The following ACACA variants were observed in gnomAD, a reference collection of about 807,000 sequenced individuals.
ACACA encodes acetyl-CoA carboxylase 1.
A neutral mutation model predicts 296.1 loss-of-function variants in ACACA; 103 were observed. The ratio of observed to expected loss-of-function variants is 0.35; its 90% confidence interval spans 0.30 to 0.41. The LOEUF (loss-of-function observed/expected upper bound fraction) is 0.41, where lower values mean the gene tolerates loss of function less well. Among genes scored for constraint, ACACA ranks in the 10% least tolerant of loss-of-function variants. ACACA has a pLI of 1.00. For missense variants in ACACA, 1,554 were observed against 2,989.7 expected, an observed-to-expected ratio of 0.52 and a Z score of 11.20; for synonymous variants, 953 against 1,038.6, an observed-to-expected ratio of 0.92 and a Z score of 1.58.
intron 54 of ACACA, among the ~76,000 whole-genome samples, chr17:37,095,133 C>T (rs1028231152): frequency 1.3e-5 from 2 of 152,352 alleles, no homozygotes; most frequent in African/African-American, 2.4e-5. Flanking sequence ...AGGCTGGACA[C>T]GTCCATTAGT....
chr17:37,313,799 T>G (rs1369762365), intron 3 of ACACA, among the ~76,000 whole-genome samples: 1 of 152,076 alleles, frequency 6.6e-6, no homozygotes, highest in African/African-American at 2.4e-5. Context: ...GTATGGAGGT[T>G]CCTCAAAAAA....
chr17:37,245,852 CTAG>C (rs764300420), intron 19 of ACACA, among the ~76,000 whole-genome samples: 24 of 152,290 alleles, frequency 1.6e-4, no homozygotes, highest in Admixed American at 3.3e-4. Flanking sequence ...TGAAAACTTA[CTAG>C]TATGGTTTAT....
chr17:37,369,032 C>T (rs929668736), intron 1 of ACACA, among the ~76,000 whole-genome samples: 1 of 152,124 alleles, frequency 6.6e-6, no homozygotes, highest in African/African-American at 2.4e-5. Context: ...AAACTGGAAA[C>T]AACACAAATG....
chr17:37,240,755 T>C (rs2080355012), intron 23 of ACACA, among the ~76,000 whole-genome samples, 191 bp from the exon 24 acceptor site: 1 of 152,204 alleles, frequency 6.6e-6, no homozygotes, highest in Non-Finnish European at 1.5e-5. Context: ...AGACAAGACC[T>C]TTTTTAATAA....
At chr17:37,358,405 C>T (rs2049240356) in intron 1 of ACACA, among the ~76,000 whole-genome samples, 1 of 152,232 alleles carries the variant, frequency 6.6e-6, no homozygotes, top group Non-Finnish European at 1.5e-5. Flanking sequence ...TGTACATTTA[C>T]TATGTCCCTC....
rs148078339 is a variant in ACACA at position 37,343,751 on chromosome 17, G to A, written c.39-3901C>T. 8.6e-3 allele frequency among the ~76,000 whole-genome samples: 1,236 copies of A among 143,652 alleles called. 7 individuals carry two copies. The highest frequency in any genetic ancestry group is 0.012 in the Admixed American group (168 of 14,208). The allele number at this position is 143,652 out of a possible 152,430, so 94.2% of individuals were successfully genotyped here. Reference sequence around the variant, plus strand: ...TGTACTCCAGCCTGGGTGACAGAGTGAGACTCTGTCTCAAAAAAAAAAAAA... The same window carrying A: ...TGTACTCCAGCCTGGGTGACAGAGTAAGACTCTGTCTCAAAAAAAAAAAAA... On this transcript the variant is annotated intron_variant, in intron 1 of 55. Transcript: ENST00000616317.
At chr17:37,307,002 G>C (rs759679176) in intron 3 of ACACA, among the ~76,000 whole-genome samples, 3 of 151,950 alleles carry the variant, frequency 2.0e-5, no homozygotes, top group Admixed American at 6.6e-5. Context: ...CTGGCCTTAT[G>C]TGTATAAAAT....
chr17:37,305,641 A>G (rs2083838648), intron 3 of ACACA, among the ~76,000 whole-genome samples: 1 of 152,202 alleles, frequency 6.6e-6, no homozygotes, highest in Non-Finnish European at 1.5e-5. Context: ...AACCACAAAC[A>G]GGCAAAGTCA....
intron 29 of ACACA, among the ~76,000 whole-genome samples, chr17:37,216,839 A>AAAAAAC (rs956655725): frequency 1.1e-4 from 16 of 152,092 alleles, no homozygotes; most frequent in Middle Eastern, 3.4e-3. Flanking sequence ...TGAATAAAAA[A>AAAAAAC]AAAAACAAAA....
intron 39 of ACACA, among the ~76,000 whole-genome samples, chr17:37,182,192 A>C (rs1385352874): frequency 6.6e-6 from 1 of 152,136 alleles, no homozygotes; most frequent in Non-Finnish European, 1.5e-5. Flanking sequence ...ATGGTACTTC[A>C]TAAGTATTAC....
At chr17:37,345,146 C>G (rs2048559316) in intron 1 of ACACA, 1 of 152,460 alleles carries the variant, frequency 6.6e-6, no homozygotes, top group Admixed American at 6.6e-5. Flanking sequence ...CTCTGCCTCC[C>G]AGGTTCAAGA....
intron 39 of ACACA, among the ~76,000 whole-genome samples, chr17:37,184,246 G>C (rs1367803096): frequency 6.6e-6 from 1 of 152,050 alleles, no homozygotes. Flanking sequence ...ACAAGCATGT[G>C]GTCTTAGTTT....
intron 52 of ACACA, among the ~76,000 whole-genome samples, chr17:37,104,888 G>A (rs1390190942): frequency 7.0e-6 from 1 of 143,356 alleles, no homozygotes; most frequent in Non-Finnish European, 1.5e-5. Context: ...GTGGTGAGCT[G>A]TGATCATGAC....
intron 1 of ACACA, among the ~76,000 whole-genome samples, chr17:37,379,705 C>A (rs973432148): frequency 6.6e-6 from 1 of 151,316 alleles, no homozygotes; most frequent in African/African-American, 2.4e-5. Context: ...CAGAGAAATG[C>A]AAATCAAAAC....
At chr17:37,174,746 T>G (rs2077045811) in intron 41 of ACACA, among the ~76,000 whole-genome samples, 1 of 151,974 alleles carries the variant, frequency 6.6e-6, no homozygotes, top group South Asian at 2.1e-4. Context: ...TGGGCCAGGA[T>G]GGTCTCGATC....
chr17:37,142,084 A>G (rs2075613458), intron 45 of ACACA, among the ~76,000 whole-genome samples: 1 of 151,798 alleles, frequency 6.6e-6, no homozygotes, highest in Non-Finnish European at 1.5e-5. Flanking sequence ...GTTGTCAAAC[A>G]TGATAATTTC....
chr17:37,396,434 CA>C (rs745645709), intron 1 of ACACA, among the ~76,000 whole-genome samples: 13 of 152,020 alleles, frequency 8.6e-5, no homozygotes, highest in Non-Finnish European at 1.9e-4. Flanking sequence ...CCCATAATCT[CA>C]AAAATCAAAG....
At chr17:37,307,768 A>G (rs977858615) in intron 3 of ACACA, among the ~76,000 whole-genome samples, 6 of 151,904 alleles carry the variant, frequency 3.9e-5, no homozygotes, top group Non-Finnish European at 8.8e-5. Context: ...TTATATTTTT[A>G]GTAGAGATGG....
intron 21 of ACACA, among the ~76,000 whole-genome samples, chr17:37,243,786 A>G (rs1034110289): frequency 1.3e-5 from 2 of 152,216 alleles, no homozygotes; most frequent in African/African-American, 2.4e-5. Flanking sequence ...GAAAAAATCC[A>G]CATATAAGTG....
Sources: allele counts gnomAD v4.1 joint callset (sites outside exome capture counted in the v4.1 genomes callset), GRCh38; gene constraint gnomAD v4.1.1; transcripts MANE v1.5; gene names NCBI Gene and HGNC (gene_info 2026-07-23, HGNC 2026-07-21).